SHISA6: variants seen among roughly 807,000 people sequenced by gnomAD.
SHISA6 encodes protein shisa-6.
SHISA6 carries 22 observed loss-of-function variants against 47.9 expected under a neutral mutation model. That is an observed-to-expected ratio of 0.46 (90% CI 0.33 to 0.66). The LOEUF is 0.66. Ranked by LOEUF, SHISA6 falls within the 30% of genes least tolerant of loss-of-function variation. The probability of loss-of-function intolerance (pLI) is 0.02; values close to 1 mark genes in which losing one functional copy is unlikely to be tolerated. For missense variants in SHISA6, 680 were observed against 764.6 expected (o/e 0.89, Z 1.30); for synonymous variants, 388 against 337.8 (o/e 1.15, Z -1.63).
chr17:11,323,386 G>C (rs1350292966), intron 2 of SHISA6, among the ~76,000 whole-genome samples: 1 of 152,124 alleles, frequency 6.6e-6, no homozygotes, highest in African/African-American at 2.4e-5. Flanking sequence ...CGGGCACGGT[G>C]GCTCACACCT....
At chr17:11,439,982 A>C (rs1285202255) in intron 3 of SHISA6, among the ~76,000 whole-genome samples, 1 of 152,174 alleles carries the variant, frequency 6.6e-6, no homozygotes, top group Non-Finnish European at 1.5e-5. Context: ...GGGAAAGACA[A>C]CCCAGGTGGG....
intron 2 of SHISA6, among the ~76,000 whole-genome samples, chr17:11,296,031 G>T (rs528768713): frequency 6.6e-6 from 1 of 151,720 alleles, no homozygotes. Context: ...GTGCAAGGGC[G>T]CTGATAAGCC....
At position 11,274,350 on chromosome 17, in the gene SHISA6, G is replaced by A. The variant is rs1214083358; in HGVS notation, c.799+10824G>A. On this transcript the variant is annotated intron_variant, in intron 2 of 5. Coordinates refer to ENST00000441885, the MANE Select transcript of SHISA6 (RefSeq NM_207386.4). ...CCGGTCAGAGGGAAAGCCAAAGCAC[G>A]GAGGACAGGGTTAGAATTCGCAATT... 5.3e-5 allele frequency among the ~76,000 whole-genome samples: 8 copies of A among 152,204 alleles called. 1 individual carries two copies. The highest frequency in any genetic ancestry group is 1.3e-4 in the Admixed American group (2 of 15,288).
At position 11,344,755 on chromosome 17, in the gene SHISA6, A is replaced by T. The variant is rs573440720; in HGVS notation, c.800-34659A>T. ...ATCAGGGTAATTAGCATATCTGTCC[A>T]CTCAAACATTTAATATTTATTTGCA... On this transcript the variant is annotated intron_variant, in intron 2 of 5. Transcript: ENST00000441885. 4.1e-4 allele frequency among the ~76,000 whole-genome samples: 63 copies of T among 152,318 alleles called. 1 individual carries two copies. The highest frequency in any genetic ancestry group is 1.4e-3 in the African/African-American group (59 of 41,582).
At chr17:11,331,941 T>C (rs753851739) in intron 2 of SHISA6, among the ~76,000 whole-genome samples, 5 of 152,084 alleles carry the variant, frequency 3.3e-5, no homozygotes, top group Non-Finnish European at 5.9e-5. Flanking sequence ...GTACCTTCCA[T>C]TCACAGATGC....
chr17:11,329,061 C>T (rs1911012828), intron 2 of SHISA6, among the ~76,000 whole-genome samples: 1 of 152,204 alleles, frequency 6.6e-6, no homozygotes, highest in African/African-American at 2.4e-5. Context: ...GGCACATTGA[C>T]TCATCTTAGC....
chr17:11,377,801 C>G (rs543173526), intron 2 of SHISA6, among the ~76,000 whole-genome samples: 3 of 152,206 alleles, frequency 2.0e-5, no homozygotes, highest in Non-Finnish European at 4.4e-5. Flanking sequence ...ATTAGAATCA[C>G]TAGAGAGTGC....
chr17:11,355,288 G>A (rs964628209), intron 2 of SHISA6, among the ~76,000 whole-genome samples: 7 of 152,318 alleles, frequency 4.6e-5, no homozygotes, highest in Middle Eastern at 6.8e-3. Context: ...GTCGTATTCC[G>A]AAAACTGTCC....
intron 3 of SHISA6, among the ~76,000 whole-genome samples, chr17:11,413,657 G>T (rs990968745): frequency 1.3e-5 from 2 of 152,082 alleles, no homozygotes; most frequent in African/African-American, 4.8e-5. Context: ...CCAGGACCAC[G>T]TGCCTCTCAT....
At chr17:11,364,179 A>G (rs868014780) in intron 2 of SHISA6, among the ~76,000 whole-genome samples, 3 of 152,172 alleles carry the variant, frequency 2.0e-5, no homozygotes, top group Non-Finnish European at 2.9e-5. Flanking sequence ...GATTTTTCCT[A>G]TCTATTCAAC....
chr17:11,356,048 G>A (rs1912068381), intron 2 of SHISA6, among the ~76,000 whole-genome samples: 1 of 152,210 alleles, frequency 6.6e-6, no homozygotes, highest in African/African-American at 2.4e-5. Flanking sequence ...AGATTCTTAG[G>A]TGATCTGTGT....
intron 3 of SHISA6, among the ~76,000 whole-genome samples, chr17:11,381,976 G>C (rs535162176): frequency 6.6e-6 from 1 of 152,290 alleles, no homozygotes; most frequent in South Asian, 2.1e-4. Flanking sequence ...CCTATTTAGA[G>C]AACAGCTAAA....
intron 3 of SHISA6, among the ~76,000 whole-genome samples, chr17:11,472,679 A>T (rs1915962258): frequency 6.6e-6 from 1 of 152,214 alleles, no homozygotes; most frequent in Non-Finnish European, 1.5e-5. Flanking sequence ...AACTCCTTTG[A>T]ATAAATAACA....
At position 11,241,670 on chromosome 17, in the gene SHISA6, C is replaced by T. The variant is rs1356158738; in HGVS notation, c.248C>T (p.Ala83Val). 1.4e-6 allele frequency: 2 copies of T among 1,462,384 alleles called. No individual in the cohort carries two copies. Among genetic ancestry groups the T allele is most frequent in the East Asian group, 2.8e-5 (1 of 35,158 alleles). 90.6% of individuals were successfully genotyped at this position (1,462,384 alleles called of 1,614,324 possible). ...RRGQPAAAVA[A>V]AASAAVTYET... ...GGGCAGCCCGCGGCGGCTGTGGCGG[C>T]GGCGGCCAGCGCGGCCGTCACCTAC... The change falls in exon 1 of 6, where the codon GCG becomes GTG. Residue 83 changes from alanine (A) to valine (V), a missense_variant. Ala to Val is a moderately conservative substitution (Grantham distance 64). Coordinates refer to ENST00000441885, the MANE Select transcript of SHISA6 (RefSeq NM_207386.4). The surrounding 1 kb of genome is among the most constrained non-coding windows in gnomAD (Gnocchi z 5.5).
Position 11,535,037 on chromosome 17 carries a change from A to G in SHISA6, c.896-16859A>G, listed in dbSNP as rs570737318. On this transcript the variant is annotated intron_variant, in intron 3 of 5. Transcript: ENST00000441885. Reference sequence around the variant, plus strand: ...CAGCTACTCGGGAGGCTGAAGCAGGAGGATTGCTTGAACCCAGGAGGCAGA... The same window carrying G: ...CAGCTACTCGGGAGGCTGAAGCAGGGGGATTGCTTGAACCCAGGAGGCAGA... Among the ~76,000 whole-genome samples the G allele has an allele frequency of 7.2e-5, 11 of 152,292 alleles. No homozygotes were observed. The South Asian group carries it at 2.1e-3, about 29-fold the overall frequency.
chr17:11,345,782 G>A (rs1429014394), intron 2 of SHISA6, among the ~76,000 whole-genome samples: 1 of 152,102 alleles, frequency 6.6e-6, no homozygotes, highest in African/African-American at 2.4e-5. Flanking sequence ...TTAAATAGAA[G>A]TAGAACTGAT....
intron 3 of SHISA6, among the ~76,000 whole-genome samples, chr17:11,532,086 A>G (rs2071738646): frequency 6.6e-6 from 1 of 151,502 alleles, no homozygotes; most frequent in African/African-American, 2.5e-5. Flanking sequence ...ACAGAAGATA[A>G]TGATGTAGAA....
intron 2 of SHISA6, among the ~76,000 whole-genome samples, chr17:11,363,170 A>G (rs1912341645): frequency 6.7e-6 from 1 of 148,616 alleles, no homozygotes; most frequent in African/African-American, 2.5e-5. Flanking sequence ...TCCTTTCTCC[A>G]TTCCTTCCTG....
chr17:11,265,056 T>C (rs552765455), intron 2 of SHISA6, among the ~76,000 whole-genome samples: 1 of 152,270 alleles, frequency 6.6e-6, no homozygotes, highest in Non-Finnish European at 1.5e-5. Flanking sequence ...AAACAAGCAA[T>C]AGAAGGAATC....
Sources: allele counts gnomAD v4.1 joint callset (sites outside exome capture counted in the v4.1 genomes callset), GRCh38; gene constraint gnomAD v4.1.1; non-coding constraint Gnocchi (gnomAD v3.1); transcripts MANE v1.5; gene names NCBI Gene and HGNC (gene_info 2026-07-23, HGNC 2026-07-21).